PSD2: variants seen among roughly 807,000 people sequenced by gnomAD.
The protein encoded by PSD2 is pleckstrin and Sec7 domain containing 2, also known as PH and SEC7 domain-containing protein 2.
In PSD2, 38 loss-of-function variants were observed where a neutral mutation model predicts 69.8. That is an observed-to-expected ratio of 0.54 (90% confidence interval 0.42 to 0.71). The LOEUF is 0.71. PSD2 is among the 30% of genes least tolerant of loss of function. The probability of loss-of-function intolerance (pLI) is 0.00; values close to 1 mark genes in which losing one functional copy is unlikely to be tolerated. For synonymous variants in PSD2, 412 were observed against 423.0 expected, an observed-to-expected ratio of 0.97 and a Z score of 0.32; for missense variants, 943 against 1,014.5, an observed-to-expected ratio of 0.93 and a Z score of 0.96.
chr5:139,775,062 G>A, the PSD2 span, among the ~76,000 whole-genome samples: 1 of 152,198 alleles, frequency 6.6e-6, no homozygotes, highest in Non-Finnish European at 1.5e-5. Context: ...GGTTGCTTCT[G>A]GCGCCCACCA....
chr5:139,839,016 A>G lies in PSD2; in HGVS notation c.1968+244A>G, dbSNP rs948115403. Among the ~76,000 whole-genome samples, 1 of 152,214 alleles carries G rather than the reference A, an allele frequency of 6.6e-6. No individual in the cohort carries two copies. The highest frequency in any genetic ancestry group is 2.4e-5 in the African/African-American group (1 of 41,456). ...CATGGAGCTGCCTCTATGCCAGTGCATCCCTGTGGATGTGACCGAGAGTTG... is the reference window on the plus strand; with the variant it reads ...CATGGAGCTGCCTCTATGCCAGTGCGTCCCTGTGGATGTGACCGAGAGTTG... On this transcript the variant is annotated intron_variant, in intron 13 of 14. Transcript: ENST00000274710. This position sits in a 1 kb window ranked among gnomAD's most constrained non-coding sequence, Gnocchi z 5.1.
the PSD2 span, among the ~76,000 whole-genome samples, chr5:139,766,930 C>CTTCTTTCTTTCTTTCTTTCTTTCT: frequency 4.5e-5 from 2 of 44,118 alleles, no homozygotes; most frequent in South Asian, 8.3e-4. Context: ...CCTTCCTTCC[C>CTTCTTTCTTTCTTTCTTTCTTTCT]TTCTTTCTTT....
intron 7 of PSD2, among the ~76,000 whole-genome samples, chr5:139,830,189 C>T (rs1200058606): frequency 6.6e-6 from 1 of 151,596 alleles, no homozygotes; most frequent in African/African-American, 2.4e-5. Context: ...AATGTCTATT[C>T]AGGTCCTTCA....
chr5:139,758,402 T>TG, the PSD2 span, among the ~76,000 whole-genome samples: 1 of 151,884 alleles, frequency 6.6e-6, no homozygotes, highest in East Asian at 1.9e-4. Context: ...TTTCTGGAGG[T>TG]GGGGAGAAGG....
Position 139,837,874 on chromosome 5 carries a change from CAG to C in PSD2, c.1823+95_1823+96del, listed in dbSNP as rs1760776273. On this transcript the variant is annotated intron_variant, in intron 12 of 14. Coordinates refer to ENST00000274710, the MANE Select transcript of PSD2 (RefSeq NM_032289.4). This position sits in a 1 kb window ranked among gnomAD's most constrained non-coding sequence, Gnocchi z 5.0. ...CCCTCTCCTTCCCGTGAGTCAGCAA[CAG>C]AGCATGTGTATCCACATGACACAGA... 2 of 1,283,562 alleles carry C rather than the reference CAG, an allele frequency of 1.6e-6. No homozygotes were observed. Among genetic ancestry groups the C allele is most frequent in the Admixed American group, 2.2e-5 (1 of 45,852 alleles). 79.5% of individuals were successfully genotyped at this position (1,283,562 alleles called of 1,614,324 possible). A position where few individuals can be genotyped will look rare whatever the true frequency, so the allele number is the denominator to read the frequency against.
rs1294259708 is a variant in PSD2, at chr5:139,842,159, T to G, written c.2113-112T>G. 3 of 780,894 alleles carry G rather than the reference T, an allele frequency of 3.8e-6. No homozygotes were observed. The East Asian group carries it at 8.0e-5, about 21-fold the overall frequency. 48.4% of individuals were successfully genotyped at this position (780,894 alleles called of 1,614,324 possible). ...ATTGGACTGTTCATCTTCTTTTTAA[T>G]GATTTGTGAAAGCTCTCTGCATATT... On this transcript the variant is annotated intron_variant, in intron 14 of 14. Transcript: ENST00000274710.
At chr5:139,840,215 T>A (rs1376845843) in intron 14 of PSD2, 45 bp downstream of exon 14, 1 of 1,604,898 alleles carries the variant, frequency 6.2e-7, no homozygotes, top group South Asian at 1.1e-5. Flanking sequence ...GCCCTGCTCT[T>A]TCTCCTTCCT....
At chr5:139,807,029 G>T (rs529315554) in intron 1 of PSD2, among the ~76,000 whole-genome samples, 72 of 152,316 alleles carry the variant, frequency 4.7e-4, no homozygotes, top group African/African-American at 1.6e-3. Context: ...TGGAACTTGG[G>T]GGTAGGGCGG....
At chr5:139,766,566 A>T in the PSD2 span, among the ~76,000 whole-genome samples, 1 of 152,216 alleles carries the variant, frequency 6.6e-6, no homozygotes, top group Admixed American at 6.5e-5. Context: ...AGTTTAGGTG[A>T]CCTTGGCCTG....
chr5:139,766,913 CTTCCTTCCTTCCTTCCCTTCTTTCTTT>C, the PSD2 span, among the ~76,000 whole-genome samples: 1 of 34,068 alleles, frequency 2.9e-5, no homozygotes, highest in East Asian at 8.8e-4. Flanking sequence ...CCCTCCCTTC[CTTCCTTCCTTCCTTCCCTTCTTTCTTT>C]CTTTCTTTCT....
At chr5:139,827,212 C>T (rs1561603798) in intron 7 of PSD2, among the ~76,000 whole-genome samples, 1 of 152,196 alleles carries the variant, frequency 6.6e-6, no homozygotes, top group Admixed American at 6.5e-5. Flanking sequence ...GAGAGAGCCA[C>T]AGTGTCTACT....
At chr5:139,801,343 T>A (rs1184848139) in intron 1 of PSD2, among the ~76,000 whole-genome samples, 1 of 152,178 alleles carries the variant, frequency 6.6e-6, no homozygotes, top group East Asian at 1.9e-4. Context: ...TGACCTCTCC[T>A]CTCAAGGTCA....
At position 139,840,050 on chromosome 5, in the gene PSD2, G is replaced by GAAT. The variant is rs1334440060; in HGVS notation, c.1995_1997dup (p.Asn665dup). 6.2e-7 allele frequency: 1 copy of GAAT among 1,614,126 alleles called. No individual in the cohort carries two copies. Among genetic ancestry groups the GAAT allele is most frequent in the East Asian group, 2.2e-5 (1 of 44,900 alleles). On this transcript the variant is annotated inframe_insertion, in exon 14 of 15. Transcript: ENST00000274710. Reference sequence around the variant, plus strand: ...AGGAGGAGCAACTGCGGTCTCATGAGAATAAGTTGAGGCAGCTGACTGCGG... The same window carrying GAAT: ...AGGAGGAGCAACTGCGGTCTCATGAGAATAATAAGTTGAGGCAGCTGACTGCGG...
chr5:139,830,626 C>CTTTCTCTT lies in PSD2; in HGVS notation c.1270-3075_1270-3074insTTCTCTTT, dbSNP rs58644184. Among the ~76,000 whole-genome samples, 15 of 97,674 alleles carry CTTTCTCTT rather than the reference C, an allele frequency of 1.5e-4. No homozygotes were observed. In the South Asian group the frequency reaches 2.5e-3, roughly 16 times the overall value. 64.1% of individuals were successfully genotyped at this position (97,674 alleles called of 152,430 possible). On this transcript the variant is annotated intron_variant, in intron 7 of 14. Transcript: ENST00000274710. ...TTTCTTTCTCTTTCTTTCTTTCTTTCTCTTTCTTTCTTTCTTTCTTTCTTT... is the reference window on the plus strand; with the variant it reads ...TTTCTTTCTCTTTCTTTCTTTCTTTCTTTCTCTTTCTTTCTTTCTTTCTTTCTTTCTTT...
At chr5:139,744,920 C>T in the PSD2 span, 1 of 152,384 alleles carries the variant, frequency 6.6e-6, no homozygotes, top group African/African-American at 2.4e-5. Context: ...TTCAGGAGGG[C>T]ATGGTTTTAC....
intron 1 of PSD2, among the ~76,000 whole-genome samples, chr5:139,798,319 G>A (rs1245188680): frequency 6.6e-6 from 1 of 152,164 alleles, no homozygotes; most frequent in Non-Finnish European, 1.5e-5. Context: ...GCCCACAGGT[G>A]AGTCCGTTTC....
intron 14 of PSD2, 61 bp downstream of exon 14, chr5:139,840,231 G>A (rs1760841108): frequency 6.3e-7 from 1 of 1,582,990 alleles, no homozygotes; most frequent in South Asian, 1.1e-5. Context: ...TTCCTGCCTG[G>A]CCTGATGTGG....
intron 8 of PSD2, 92 bp downstream of exon 8, chr5:139,833,883 A>G (rs1309646479): frequency 1.2e-5 from 12 of 982,656 alleles, no homozygotes; most frequent in Admixed American, 1.7e-5. Context: ...CTGGCATTCC[A>G]GGCCGTTAAC....
chr5:139,770,664 A>G, the PSD2 span, among the ~76,000 whole-genome samples: 1 of 152,220 alleles, frequency 6.6e-6, no homozygotes, highest in African/African-American at 2.4e-5. Context: ...AACCGCTGAC[A>G]CTAATCATGA....
Sources: allele counts gnomAD v4.1 joint callset (sites outside exome capture counted in the v4.1 genomes callset), GRCh38; gene constraint gnomAD v4.1.1; non-coding constraint Gnocchi (gnomAD v3.1); transcripts MANE v1.5; gene names NCBI Gene and HGNC (gene_info 2026-07-23, HGNC 2026-07-21).